Variants in MYH10 observed in about 807,000 individuals in gnomAD.
MYH10 encodes myosin-10.
In MYH10, 55 loss-of-function variants were observed where a neutral mutation model predicts 257.8. That is an observed-to-expected ratio of 0.21 (90% CI 0.17 to 0.27). The LOEUF (loss-of-function observed/expected upper bound fraction) is 0.27. Ranked by LOEUF, MYH10 falls within the 10% of genes least tolerant of loss-of-function variation. MYH10 has a pLI of 1.00. For synonymous variants in MYH10, 854 were observed against 921.7 expected, an observed-to-expected ratio of 0.93 and a Z score of 1.33; for missense variants, 1,631 against 2,500.6, an observed-to-expected ratio of 0.65 and a Z score of 7.42.
At chr17:8,625,681 A>C (rs1176824692) in intron 1 of MYH10, among the ~76,000 whole-genome samples, 2 of 152,228 alleles carry the variant, frequency 1.3e-5, no homozygotes, top group East Asian at 3.9e-4. Flanking sequence ...GGGTTTCACC[A>C]TGTTGGTCAG....
chr17:8,513,400 T>G, intron 23 of MYH10, 138 bp downstream of exon 23: 2 of 1,314,318 alleles, frequency 1.5e-6, no homozygotes, highest in Non-Finnish European at 2.0e-6. Context: ...AATTTGGAAA[T>G]GAGTGAAAAG....
intron 35 of MYH10, among the ~76,000 whole-genome samples, chr17:8,489,168 TGA>T (rs757106904): frequency 7.9e-5 from 12 of 152,112 alleles, no homozygotes; most frequent in Non-Finnish European, 1.5e-4. Context: ...ACCATGTGTG[TGA>T]GTCAGTTTGG....
intron 3 of MYH10, among the ~76,000 whole-genome samples, chr17:8,591,256 C>T (rs980005497): frequency 3.4e-4 from 51 of 152,044 alleles, no homozygotes; most frequent in Middle Eastern, 3.2e-3. Context: ...GCTTGAGATC[C>T]GAGACTGTCT....
intron 7 of MYH10, among the ~76,000 whole-genome samples, chr17:8,554,884 C>T (rs2082739549): frequency 1.3e-5 from 2 of 152,170 alleles, no homozygotes; most frequent in Admixed American, 6.5e-5. Flanking sequence ...ACCCAGGAGG[C>T]GGAGGTTGCA....
At chr17:8,544,197 C>G (rs1382138999) in intron 13 of MYH10, among the ~76,000 whole-genome samples, 1 of 152,124 alleles carries the variant, frequency 6.6e-6, no homozygotes, top group Admixed American at 6.5e-5. Context: ...TGACAAATAA[C>G]ACTCACTGAA....
rs200412963 is a variant in MYH10 at position 8,604,821 on chromosome 17, A to G, written c.502+5T>C. On this transcript the variant is annotated splice_donor_5th_base_variant and intron_variant, in intron 3 of 42. Transcript: ENST00000360416. ...AGCATTTAGTATTCAAATATTTCCA[A>G]TTACCTTGAAGCATGCATCTGTAAG... 177 of 1,483,438 alleles carry G rather than the reference A, an allele frequency of 1.2e-4. No individual in the cohort carries two copies. The African/African-American group carries it at 2.2e-3, about 18-fold the overall frequency. 91.9% of individuals were successfully genotyped at this position (1,483,438 alleles called of 1,614,324 possible). A position where few individuals can be genotyped will look rare whatever the true frequency, so the allele number is the denominator to read the frequency against.
chr17:8,546,351 C>T (rs1472347354), intron 12 of MYH10, among the ~76,000 whole-genome samples, 193 bp downstream of exon 12: 1 of 151,918 alleles, frequency 6.6e-6, no homozygotes, highest in Admixed American at 6.6e-5. Context: ...GAGCCACCGG[C>T]CCCGGCCCCT....
At chr17:8,491,671 G>A (rs1027030045) in intron 34 of MYH10, among the ~76,000 whole-genome samples, 4 of 152,202 alleles carry the variant, frequency 2.6e-5, no homozygotes, top group African/African-American at 9.6e-5. Context: ...AGCCTGTGGA[G>A]GAGCCAGGGA....
At chr17:8,517,951 C>A (rs1404299911) in intron 21 of MYH10, among the ~76,000 whole-genome samples, 1 of 152,040 alleles carries the variant, frequency 6.6e-6, no homozygotes, top group Non-Finnish European at 1.5e-5. Flanking sequence ...AGCCTTCTTA[C>A]CCTTGAGGTT....
rs898435626 is a variant in MYH10, at chr17:8,569,318, A to G, written c.756+402T>C. Among the ~76,000 whole-genome samples the G allele has an allele frequency of 6.6e-6, 1 of 152,124 alleles. No individual in the cohort carries two copies. Among genetic ancestry groups the G allele is most frequent in the African/African-American group, 2.4e-5 (1 of 41,430 alleles). On this transcript the variant is annotated intron_variant, in intron 7 of 42. Coordinates refer to ENST00000360416, the MANE Select transcript of MYH10 (RefSeq NM_001256012.3). This position sits in a 1 kb window ranked among gnomAD's most constrained non-coding sequence, Gnocchi z 4.1. ...TAGCAAGGTAGGAAAAGGTCAGTTT[A>G]CCACATCTAATGCGTTGAATGTTTA... is the stretch of plus-strand genomic sequence containing the variant.
intron 14 of MYH10, among the ~76,000 whole-genome samples, chr17:8,538,541 G>T (rs2082207839): frequency 6.6e-6 from 1 of 152,160 alleles, no homozygotes; most frequent in South Asian, 2.1e-4. Flanking sequence ...ATATTTCTAT[G>T]AATAAGTAGA....
chr17:8,618,401 G>C (rs2085345959), intron 2 of MYH10, among the ~76,000 whole-genome samples: 1 of 152,078 alleles, frequency 6.6e-6, no homozygotes, highest in Non-Finnish European at 1.5e-5. Flanking sequence ...CACCATGCCT[G>C]ACTAATTCTG....
Position 8,548,327 on chromosome 17 carries a change from A to G in MYH10, c.1145T>C (p.Met382Thr). 1 of 1,610,540 alleles carries G rather than the reference A, an allele frequency of 6.2e-7. No homozygotes were observed. Among genetic ancestry groups the G allele is most frequent in the Non-Finnish European group, 8.5e-7 (1 of 1,177,564 alleles). Residue 382 changes from methionine (M) to threonine (T), a missense_variant, in exon 11 of 43, where the codon ATG (methionine) becomes ACG (threonine). By Grantham distance (81) the Met-to-Thr change is moderately conservative (BLOSUM62 -1). This residue lies in a region of MYH10 where 360 missense variants were observed against 581.9 expected (regional missense o/e 0.62). Coordinates refer to ENST00000360416, the MANE Select transcript of MYH10 (RefSeq NM_001256012.3). ...KKERNTDQAS[M>T]PENTVAQKLC... ...CATCAGTTTACCTGTATTTTCTGGC[A>G]TGGAAGCTTGATCAGTATTTCTCTC...
intron 3 of MYH10, among the ~76,000 whole-genome samples, chr17:8,603,822 C>G (rs1042818510): frequency 2.0e-5 from 3 of 152,130 alleles, no homozygotes; most frequent in Admixed American, 6.5e-5. Context: ...CTTTAAAAGC[C>G]TAAGCTCATT....
At chr17:8,501,560 C>G (rs2080895950) in intron 28 of MYH10, among the ~76,000 whole-genome samples, 1 of 152,176 alleles carries the variant, frequency 6.6e-6, no homozygotes, top group Admixed American at 6.5e-5. Flanking sequence ...TGTAACAAAG[C>G]AAGACTCTTA....
At chr17:8,571,713 G>A (rs969568113) in intron 6 of MYH10, among the ~76,000 whole-genome samples, 3 of 151,668 alleles carry the variant, frequency 2.0e-5, no homozygotes, top group Non-Finnish European at 2.9e-5. Context: ...AGCAGAGATC[G>A]CACCACTGCA....
At chr17:8,512,770 T>C (rs891070323) in intron 23 of MYH10, 113 bp from the exon 24 acceptor site, 1 of 795,298 alleles carries the variant, frequency 1.3e-6, no homozygotes. Context: ...GATAAAAATA[T>C]ATAACATCAC....
intron 7 of MYH10, among the ~76,000 whole-genome samples, chr17:8,563,403 T>TAA (rs998973723): frequency 1.3e-5 from 2 of 152,084 alleles, no homozygotes; most frequent in South Asian, 4.1e-4. Context: ...AATAGAGCCT[T>TAA]AAAAAAAGAT....
At chr17:8,558,669 A>G (rs935290627) in intron 7 of MYH10, among the ~76,000 whole-genome samples, 3 of 152,252 alleles carry the variant, frequency 2.0e-5, no homozygotes, top group Admixed American at 1.3e-4. Flanking sequence ...CTCTTCTGCC[A>G]GTAGGCTCTT....
Sources: allele counts gnomAD v4.1 joint callset (sites outside exome capture counted in the v4.1 genomes callset), GRCh38; gene constraint gnomAD v4.1.1; regional missense constraint gnomAD v4.1.1; non-coding constraint Gnocchi (gnomAD v3.1); transcripts MANE v1.5; gene names NCBI Gene and HGNC (gene_info 2026-07-23, HGNC 2026-07-21).